Variants in CSMD1 observed in about 807,000 individuals in gnomAD.
CSMD1 encodes the protein CUB and Sushi multiple domains 1.
A neutral mutation model predicts 417.5 loss-of-function variants in CSMD1; 213 were observed. The observed-to-expected ratio is 0.51, with a 90% CI of 0.46 to 0.57. CSMD1 has a LOEUF of 0.57. Among genes scored for constraint, CSMD1 ranks in the 20% least tolerant of loss-of-function variants. The pLI is 0.00. For synonymous variants in CSMD1, 2,862 were observed against 1,736.8 expected, an observed-to-expected ratio of 1.65 and a Z score of -16.11; for missense variants, 6,923 against 4,529.7, an observed-to-expected ratio of 1.53 and a Z score of -15.17.
chr8:4,284,124 T>C (rs958345942), intron 3 of CSMD1, among the ~76,000 whole-genome samples: 1 of 152,140 alleles, frequency 6.6e-6, no homozygotes, highest in Non-Finnish European at 1.5e-5. Flanking sequence ...TCCTAGCATT[T>C]TGGGAGGCCG....
At chr8:4,541,064 A>G (rs1010505323) in intron 2 of CSMD1, among the ~76,000 whole-genome samples, 1 of 152,228 alleles carries the variant, frequency 6.6e-6, no homozygotes, top group Non-Finnish European at 1.5e-5. Context: ...TAGAAACTCT[A>G]AGGACATTTT....
In CSMD1 at chr8:3,157,977, G is replaced by C; in HGVS notation, c.5845-11C>G. On this transcript the variant is annotated splice_polypyrimidine_tract_variant and intron_variant, in intron 38 of 69. Transcript: ENST00000635120. ...AATGTGGGAACGGCCCTGTTTAAAAGAAAACAAAAGAAAATACATATAACT... is the reference window on the plus strand; with the variant it reads ...AATGTGGGAACGGCCCTGTTTAAAACAAAACAAAAGAAAATACATATAACT... 3 of 1,547,394 alleles carry C rather than the reference G, an allele frequency of 1.9e-6. No homozygotes were observed. The highest frequency in any genetic ancestry group is 2.6e-6 in the Non-Finnish European group (3 of 1,143,194).
chr8:3,501,371 G>T (rs538589750), intron 10 of CSMD1, among the ~76,000 whole-genome samples: 1 of 152,052 alleles, frequency 6.6e-6, no homozygotes, highest in Non-Finnish European at 1.5e-5. Flanking sequence ...ATGTTCTTCC[G>T]TAAACTACAT....
chr8:3,030,306 A>G (rs1810259489), intron 50 of CSMD1, among the ~76,000 whole-genome samples: 1 of 152,024 alleles, frequency 6.6e-6, no homozygotes, highest in African/African-American at 2.4e-5. Flanking sequence ...CATTACACAA[A>G]ATTAGAAACC....
At chr8:4,394,377 C>T (rs1804063671) in intron 3 of CSMD1, among the ~76,000 whole-genome samples, 2 of 152,170 alleles carry the variant, frequency 1.3e-5, no homozygotes, top group East Asian at 1.9e-4. Context: ...CCATCATGAG[C>T]TCCACTAGAA....
At chr8:3,740,715 G>A (rs115511787) in intron 6 of CSMD1, among the ~76,000 whole-genome samples, 7 of 152,134 alleles carry the variant, frequency 4.6e-5, no homozygotes, top group Admixed American at 4.6e-4. Flanking sequence ...AACTGCAAAC[G>A]AAGAGTCTAA....
At chr8:3,278,898 T>A (rs916348309) in intron 26 of CSMD1, 1 of 152,174 alleles carries the variant, frequency 6.6e-6, no homozygotes, top group African/African-American at 2.4e-5. Flanking sequence ...CAGCCCAGTT[T>A]CTTCCTGCAG....
At chr8:4,309,394 C>G (rs1798435087) in intron 3 of CSMD1, among the ~76,000 whole-genome samples, 1 of 151,894 alleles carries the variant, frequency 6.6e-6, no homozygotes, top group African/African-American at 2.4e-5. Flanking sequence ...AGAAGACCCT[C>G]AAAAGCTTTG....
chr8:4,502,411 C>G (rs1288812142), intron 2 of CSMD1, among the ~76,000 whole-genome samples: 2 of 152,138 alleles, frequency 1.3e-5, no homozygotes, highest in Non-Finnish European at 2.9e-5. Flanking sequence ...ACAGAGAGAA[C>G]AAATTCTTTC....
chr8:4,327,435 G>T (rs930154344), intron 3 of CSMD1, among the ~76,000 whole-genome samples: 2 of 152,114 alleles, frequency 1.3e-5, no homozygotes, highest in Non-Finnish European at 2.9e-5. Flanking sequence ...ACAATCAGTC[G>T]GATTGTTTGC....
At chr8:4,349,819 CCTTT>C (rs1800984353) in intron 3 of CSMD1, among the ~76,000 whole-genome samples, 2 of 133,012 alleles carry the variant, frequency 1.5e-5, no homozygotes, top group African/African-American at 3.8e-5. Flanking sequence ...TATGATATGA[CCTTT>C]TTTTTTTTTT....
chr8:3,310,939 G>C (rs766907759), intron 23 of CSMD1, among the ~76,000 whole-genome samples: 1 of 152,166 alleles, frequency 6.6e-6, no homozygotes, highest in East Asian at 1.9e-4. Context: ...CTTCTAAACT[G>C]AGCTTTGAAA....
intron 10 of CSMD1, among the ~76,000 whole-genome samples, chr8:3,520,311 T>G (rs1404226797): frequency 6.6e-6 from 1 of 152,198 alleles, no homozygotes; most frequent in African/African-American, 2.4e-5. Flanking sequence ...GTTGAAGAAC[T>G]GGCTTTGATA....
intron 7 of CSMD1, among the ~76,000 whole-genome samples, chr8:3,706,607 A>G (rs144510939): frequency 5.3e-5 from 8 of 152,322 alleles, no homozygotes; most frequent in African/African-American, 1.9e-4. Context: ...TTATTACAAA[A>G]GAAAAAAAGC....
chr8:3,119,182 G>GC lies in CSMD1; in HGVS notation c.6242-596dup, dbSNP rs201847044. 8.6e-5 allele frequency among the ~76,000 whole-genome samples: 13 copies of GC among 151,034 alleles called. No homozygotes were observed. In the East Asian group the frequency reaches 2.6e-3, roughly 30 times the overall value. ...GCGACAGAGCAAGACTCTGTCCCCC[G>GC]CCCCAAAAAAAAGGAAATGCAAGTA... On this transcript the variant is annotated intron_variant, in intron 41 of 69. Transcript: ENST00000635120.
chr8:3,491,346 T>C (rs1242521272), intron 11 of CSMD1, among the ~76,000 whole-genome samples: 1 of 152,178 alleles, frequency 6.6e-6, no homozygotes, highest in Non-Finnish European at 1.5e-5. Flanking sequence ...AAAGCAATGA[T>C]ATTATTAGAC....
chr8:3,707,240 T>G (rs1289897100), intron 7 of CSMD1, among the ~76,000 whole-genome samples: 1 of 152,218 alleles, frequency 6.6e-6, no homozygotes, highest in African/African-American at 2.4e-5. Flanking sequence ...TTTTATTAGT[T>G]TTAGCAGAAT....
intron 12 of CSMD1, among the ~76,000 whole-genome samples, chr8:3,415,379 A>G (rs555994219): frequency 1.3e-5 from 2 of 152,316 alleles, no homozygotes; most frequent in South Asian, 2.1e-4. Context: ...TTTATTTGAA[A>G]TGGAGCCTCG....
At chr8:4,525,446 T>C (rs1333461610) in intron 2 of CSMD1, among the ~76,000 whole-genome samples, 2 of 152,268 alleles carry the variant, frequency 1.3e-5, no homozygotes, top group East Asian at 3.9e-4. Context: ...CCATGAGCTG[T>C]AACATATTAC....
Sources: gnomAD v4.1 joint callset for allele counts (sites outside exome capture counted in the v4.1 genomes callset) on GRCh38, gnomAD v4.1.1 for gene constraint, MANE v1.5 for transcripts, NCBI Gene and HGNC (gene_info 2026-07-23, HGNC 2026-07-21) for gene names.